SMYD1: variants seen among roughly 807,000 people sequenced by gnomAD.
SMYD1 encodes the protein histone-lysine N-methyltransferase SMYD1.
SMYD1 carries 49 observed loss-of-function variants against 54.0 expected under a neutral mutation model. The ratio of observed to expected loss-of-function variants is 0.91; its 90% CI spans 0.72 to 1.15. The LOEUF (loss-of-function observed/expected upper bound fraction) is 1.15, where lower values mean the gene tolerates loss of function less well. Among genes scored for constraint, SMYD1 ranks in the 50% most tolerant of loss-of-function variants. The pLI is 0.00. For missense variants in SMYD1, 653 were observed against 639.6 expected (o/e 1.02, Z -0.23); for synonymous variants, 269 against 234.2 (o/e 1.15, Z -1.36).
At chr2:88,108,590 G>A (rs1674940077) in intron 9 of SMYD1, 51 bp downstream of exon 9, 7 of 1,497,008 alleles carry the variant, frequency 4.7e-6, no homozygotes, top group Non-Finnish European at 6.3e-6. Flanking sequence ...AGCTTTCTGA[G>A]GATGGGAGTG....
chr2:88,103,018 C>T (rs774947948), intron 6 of SMYD1, 40 bp from the exon 7 acceptor site: 7 of 1,559,264 alleles, frequency 4.5e-6, no homozygotes, highest in African/African-American at 2.7e-5. Context: ...TGGGTTGCCT[C>T]ATGAAGGCAT....
chr2:88,070,800 A>C (rs2103973980), intron 1 of SMYD1, among the ~76,000 whole-genome samples: 1 of 152,150 alleles, frequency 6.6e-6, no homozygotes, highest in East Asian at 1.9e-4. Context: ...AAAATTAGCC[A>C]GGCATGATGG....
chr2:88,105,374 T>TACACACACACAC (rs368510507), intron 7 of SMYD1, among the ~76,000 whole-genome samples: 465 of 146,736 alleles, frequency 3.2e-3, no homozygotes, highest in African/African-American at 0.012. Context: ...TGCGCATGCA[T>TACACACACACAC]ATATACACAC....
chr2:88,089,400 C>T (rs1674411844), intron 3 of SMYD1, among the ~76,000 whole-genome samples: 1 of 152,158 alleles, frequency 6.6e-6, no homozygotes, highest in Non-Finnish European at 1.5e-5. Context: ...ACCACAGCTT[C>T]CCATGTATTA....
rs1434832323 is a variant in SMYD1, at chr2:88,108,520, C to A, written c.1295C>A (p.Pro432His). 4 of 1,598,484 alleles carry A rather than the reference C, an allele frequency of 2.5e-6. No homozygotes were observed. Among genetic ancestry groups the A allele is most frequent in the Non-Finnish European group, 3.4e-6 (4 of 1,173,018 alleles). The change falls in exon 9 of 10, where the codon CCC becomes CAC. Residue 432 changes from proline (P) to histidine (H), a missense_variant. Coordinates refer to ENST00000419482, the MANE Select transcript of SMYD1 (RefSeq NM_198274.4). ...ILLVTHGPSH[P>H]ITKDLEAMRV... Reference sequence around the variant, plus strand: ...CTGGTGACACACGGACCCTCCCACCCCATCACTAAGGACTTAGAGGCAAGT... The same window carrying A: ...CTGGTGACACACGGACCCTCCCACCACATCACTAAGGACTTAGAGGCAAGT...
intron 8 of SMYD1, 104 bp downstream of exon 8, chr2:88,106,592 C>A: frequency 1.7e-6 from 2 of 1,164,388 alleles, no homozygotes; most frequent in Non-Finnish European, 2.5e-6. Flanking sequence ...CCTATACCCA[C>A]AGCAGGCGTC....
chr2:88,088,465 C>A (rs1387579781), intron 3 of SMYD1, among the ~76,000 whole-genome samples: 1 of 152,020 alleles, frequency 6.6e-6, no homozygotes, highest in African/African-American at 2.4e-5. Flanking sequence ...GAGGGGAGGC[C>A]AAGAGGACTG....
intron 3 of SMYD1, among the ~76,000 whole-genome samples, chr2:88,090,655 G>A (rs1455204318): frequency 2.6e-5 from 4 of 152,176 alleles, no homozygotes; most frequent in East Asian, 1.9e-4. Context: ...ACACGCCCAC[G>A]CGCACACAAA....
At position 88,096,495 on chromosome 2, in the gene SMYD1, TC is replaced by T. The variant is rs964093957; in HGVS notation, c.699-99del. On this transcript the variant is annotated intron_variant, in intron 5 of 9. Transcript: ENST00000419482. Reference sequence around the variant, plus strand: ...GGGAGTTTCTGAGTGTCAGTGAAAGTCATTGTCTTTGAGACCCAACTCCATG... The same window carrying T: ...GGGAGTTTCTGAGTGTCAGTGAAAGTATTGTCTTTGAGACCCAACTCCATG... 1.4e-5 allele frequency: 14 copies of T among 1,032,980 alleles called. No homozygotes were observed. In the Admixed American group the frequency reaches 2.8e-4, roughly 21 times the overall value. 64.0% of individuals were successfully genotyped at this position (1,032,980 alleles called of 1,614,324 possible). A position where few individuals can be genotyped will look rare whatever the true frequency, so the allele number is the denominator to read the frequency against.
chr2:88,083,891 C>T (rs1020579400), intron 1 of SMYD1, among the ~76,000 whole-genome samples: 29 of 152,026 alleles, frequency 1.9e-4, no homozygotes, highest in African/African-American at 6.5e-4. Context: ...GTCAGGAGTT[C>T]GAGACCAGCC....
At chr2:88,074,233 T>C (rs1364174302) in intron 1 of SMYD1, among the ~76,000 whole-genome samples, 1 of 152,256 alleles carries the variant, frequency 6.6e-6, no homozygotes, top group Non-Finnish European at 1.5e-5. Flanking sequence ...CACAAGTTTA[T>C]TATCTTATAG....
At chr2:88,109,270 G>A (rs115036924) in intron 9 of SMYD1, among the ~76,000 whole-genome samples, 23 of 12,264 alleles carry the variant, frequency 1.9e-3, no homozygotes, top group African/African-American at 0.011. Context: ...GCATGTGTGC[G>A]TGTGTGCATG....
Position 88,091,087 on chromosome 2 carries a change from G to C in SMYD1, c.604G>C (p.Gly202Arg), listed in dbSNP as rs777510369. Reference protein sequence around the residue: ...AVGVGIFPNLGLVNHDCWPNC... With the variant: ...AVGVGIFPNLRLVNHDCWPNC... ...GGGCGTAGGCATCTTCCCCAACCTG[G>C]GCCTGGTGAACCATGACTGTTGGCC... Residue 202 changes from glycine to arginine, a missense_variant, in exon 4 of 10, where the codon GGC (glycine) becomes CGC (arginine). Transcript: ENST00000419482. 3.7e-6 allele frequency: 6 copies of C among 1,614,064 alleles called. No individual in the cohort carries two copies. The East Asian group carries it at 8.9e-5, about 24-fold the overall frequency.
intron 3 of SMYD1, among the ~76,000 whole-genome samples, chr2:88,089,584 T>TC (rs1558852290): frequency 0.1 from 11,066 of 110,354 alleles, 1,131 homozygotes; most frequent in African/African-American, 0.17. Context: ...AGCTTCTACC[T>TC]GTTTTTTTTT....
intron 2 of SMYD1, among the ~76,000 whole-genome samples, chr2:88,086,299 G>A (rs1674322303): frequency 6.6e-6 from 1 of 152,178 alleles, no homozygotes; most frequent in Non-Finnish European, 1.5e-5. Flanking sequence ...GAGAGGGCCT[G>A]TGCTTTGCCC....
chr2:88,094,797 T>C (rs1445591296), intron 5 of SMYD1, among the ~76,000 whole-genome samples: 1 of 152,126 alleles, frequency 6.6e-6, no homozygotes, highest in Non-Finnish European at 1.5e-5. Flanking sequence ...GTCACTATGG[T>C]GGGCTGCCTC....
intron 6 of SMYD1, among the ~76,000 whole-genome samples, chr2:88,100,063 C>A (rs74262989): frequency 1.9e-4 from 28 of 151,270 alleles, no homozygotes; most frequent in African/African-American, 1.5e-4. Flanking sequence ...GCTCCTCCCC[C>A]CCTCTTCCTC....
chr2:88,110,221 G>A, intron 9 of SMYD1, 133 bp from the exon 10 acceptor site: 1 of 857,516 alleles, frequency 1.2e-6, no homozygotes, highest in Non-Finnish European at 1.8e-6. Context: ...GTGTGTGTGT[G>A]TGTGTGTGTG....
chr2:88,106,302 G>A (rs766268514), intron 7 of SMYD1, 23 bp from the exon 8 acceptor site: 1 of 1,612,612 alleles, frequency 6.2e-7, no homozygotes, highest in South Asian at 1.1e-5. Flanking sequence ...ATGGTAATGG[G>A]CAGGGCCTCT....
Sources: gnomAD v4.1 joint callset for allele counts (sites outside exome capture counted in the v4.1 genomes callset) on GRCh38, gnomAD v4.1.1 for gene constraint, MANE v1.5 for transcripts, NCBI Gene and HGNC (gene_info 2026-07-23, HGNC 2026-07-21) for gene names.